The following KRABD3 variants were observed in gnomAD, a reference collection of about 807,000 sequenced individuals.
The protein encoded by KRABD3 is KRAB domain-containing protein 3.
At chr7:149,734,257 G>T in the KRABD3 span, 1 of 616,636 alleles carries the variant, frequency 1.6e-6, no homozygotes, top group Non-Finnish European at 2.8e-6. Context: ...TCAGCCTCTG[G>T]CCCTCTTGGC....
chr7:149,721,671 C>A, the KRABD3 span: 1 of 987,328 alleles, frequency 1.0e-6, no homozygotes, highest in Non-Finnish European at 1.6e-6. Context: ...CTTTTGTTAA[C>A]AAAGTACGCC....
chr7:149,734,279 C>A, the KRABD3 span: 2 of 574,638 alleles, frequency 3.5e-6, no homozygotes, highest in Non-Finnish European at 6.0e-6. Flanking sequence ...CAGATTCAAT[C>A]AAATGTTGCT....
chr7:149,726,025 G>C, the KRABD3 span: 18 of 1,612,848 alleles, frequency 1.1e-5, no homozygotes, highest in Admixed American at 2.3e-4. Context: ...GATTTTGGGA[G>C]TCCTGTGGGG....
At chr7:149,733,875 C>T in the KRABD3 span, 1 of 1,591,986 alleles carries the variant, frequency 6.3e-7, no homozygotes, top group Non-Finnish European at 8.5e-7. Flanking sequence ...CTGCAGGGAG[C>T]CTCTCCTCCT....
chr7:149,726,606 C>CT, the KRABD3 span, among the ~76,000 whole-genome samples: 1 of 151,612 alleles, frequency 6.6e-6, no homozygotes, highest in African/African-American at 2.4e-5. Context: ...CCCAGCTAAT[C>CT]TTTGTGTTTT....
At chr7:149,725,900 G>A in the KRABD3 span, 2 of 1,588,908 alleles carry the variant, frequency 1.3e-6, no homozygotes, top group Non-Finnish European at 1.7e-6. Context: ...CGACCAGAGA[G>A]CCTGTTCTGC....
At chr7:149,732,795 C>T in the KRABD3 span, among the ~76,000 whole-genome samples, 75 of 152,160 alleles carry the variant, frequency 4.9e-4, no homozygotes, top group African/African-American at 1.8e-3. This position sits in a 1 kb window ranked among gnomAD's most constrained non-coding sequence, Gnocchi z 4.0. Context: ...GCCTGGCCCT[C>T]CTGGCCCATC....
chr7:149,717,255 G>A, the KRABD3 span, among the ~76,000 whole-genome samples: 1 of 152,222 alleles, frequency 6.6e-6, no homozygotes, highest in Non-Finnish European at 1.5e-5. Context: ...GAAAGCAGGG[G>A]TGTGGCACAC....
At chr7:149,730,480 T>A in the KRABD3 span, 1 of 1,608,634 alleles carries the variant, frequency 6.2e-7, no homozygotes, top group Admixed American at 1.7e-5. Context: ...CCCCATGTCC[T>A]GGTGGGACCC....
chr7:149,733,815 C>G, the KRABD3 span: 6 of 1,604,216 alleles, frequency 3.7e-6, no homozygotes, highest in Admixed American at 6.8e-5. Flanking sequence ...CTCGCACATA[C>G]CGGGGGCCAC....
At chr7:149,721,311 C>A in the KRABD3 span, 44 of 1,507,868 alleles carry the variant, frequency 2.9e-5, no homozygotes, top group African/African-American at 5.6e-5. Flanking sequence ...AGGAAAGGAC[C>A]CAGAATGTGA....
At chr7:149,733,350 T>C in the KRABD3 span, 1 of 1,612,336 alleles carries the variant, frequency 6.2e-7, no homozygotes, top group South Asian at 1.1e-5. Context: ...GGGAAGCCCC[T>C]GCAGCAGGAG....
the KRABD3 span, chr7:149,723,689 T>C: frequency 1.3e-6 from 2 of 1,590,750 alleles, no homozygotes; most frequent in Non-Finnish European, 1.7e-6. Flanking sequence ...TCATGAAGGC[T>C]GAGGACACTG....
At chr7:149,716,437 G>C in the KRABD3 span, among the ~76,000 whole-genome samples, 3 of 152,224 alleles carry the variant, frequency 2.0e-5, no homozygotes, top group African/African-American at 7.2e-5. Context: ...GAGCCAGCCA[G>C]TGGTGGCCTT....
At chr7:149,723,917 GC>G in the KRABD3 span, 1 of 1,609,412 alleles carries the variant, frequency 6.2e-7, no homozygotes, top group Non-Finnish European at 8.5e-7. Context: ...GGCTGGGAGG[GC>G]CCCCAGACAT....
the KRABD3 span, chr7:149,719,801 T>C: frequency 1.6e-6 from 2 of 1,257,040 alleles, no homozygotes; most frequent in Non-Finnish European, 2.2e-6. The surrounding 1 kb of genome is among the most constrained non-coding windows in gnomAD (Gnocchi z 5.6). Context: ...TTCACGCTGC[T>C]GCTATTCTAT....
At chr7:149,722,632 C>G in the KRABD3 span, 5 of 1,505,782 alleles carry the variant, frequency 3.3e-6, no homozygotes, top group African/African-American at 6.9e-5. Flanking sequence ...GCTGCTCCGC[C>G]GCCTGGGCCT....
the KRABD3 span, among the ~76,000 whole-genome samples, chr7:149,716,398 C>G: frequency 2.0e-5 from 3 of 152,160 alleles, no homozygotes; most frequent in East Asian, 3.9e-4. Flanking sequence ...AAGTGGGGCC[C>G]GAGGAGGAAG....
chr7:149,722,981 G>C, the KRABD3 span: 1 of 1,523,260 alleles, frequency 6.6e-7, no homozygotes, highest in Non-Finnish European at 8.8e-7. Flanking sequence ...CTCAGGCTGA[G>C]GTCTCTGAAG....
Sources: allele counts gnomAD v4.1 joint callset (sites outside exome capture counted in the v4.1 genomes callset), GRCh38; gene constraint gnomAD v4.1.1; non-coding constraint Gnocchi (gnomAD v3.1); transcripts MANE v1.5; gene names NCBI Gene and HGNC (gene_info 2026-07-23, HGNC 2026-07-21).